Variants in P2RY8 observed in about 807,000 individuals in gnomAD.
P2RY8 encodes the protein P2Y receptor family member 8.
P2RY8 carries 6 observed loss-of-function variants against 10.0 expected under a neutral mutation model. The ratio of observed to expected loss-of-function variants is 0.60; its 90% CI spans 0.33 to 1.19. P2RY8 has a LOEUF of 1.19. Among genes scored for constraint, P2RY8 ranks in the 50% most tolerant of loss-of-function variants. P2RY8 has a pLI of 0.04. For missense variants in P2RY8, 456 were observed against 542.0 expected, an observed-to-expected ratio of 0.84 and a Z score of 1.58; for synonymous variants, 276 against 252.5, an observed-to-expected ratio of 1.09 and a Z score of -0.88.
At chrX:1,489,258 T>C (rs1458842061) in intron 1 of P2RY8, among the ~76,000 whole-genome samples, 12 of 149,894 alleles carry the variant, frequency 8.0e-5, no homozygotes, top group East Asian at 2.0e-4. Flanking sequence ...GTGGAGGGAA[T>C]GAATGACTGA....
chrX:1,471,763 C>A (rs1484875192), intron 1 of P2RY8, among the ~76,000 whole-genome samples: 2 of 152,126 alleles, frequency 1.3e-5, no homozygotes, highest in South Asian at 2.1e-4. Context: ...AGACAAAAGG[C>A]ATCTCCTCGT....
In P2RY8 at chrX:1,465,544, C is replaced by T. The variant is rs2091655611; in HGVS notation, c.1015G>A (p.Ala339Thr). 6.2e-7 allele frequency: 1 copy of T among 1,612,090 alleles called. No homozygotes were observed. Among genetic ancestry groups the T allele is most frequent in the Non-Finnish European group, 8.5e-7 (1 of 1,179,730 alleles). Residue 339 changes from alanine to threonine, a missense_variant, in exon 2 of 2, where the codon GCG becomes ACG. Physicochemically the swap from Ala to Thr is moderately conservative, Grantham distance 58 (BLOSUM62 0). Coordinates refer to ENST00000381297, the MANE Select transcript of P2RY8 (RefSeq NM_178129.5). The part of the protein sequence containing the change: ...RTTSVRSEAG[A>T]HPEGMEGATR... ...GCTCCCTCCATCCCTTCAGGGTGCG[C>T]ACCGGCCTCGGAGCGCACGGACGTG...
At chrX:1,486,565 G>C (rs1205156810) in intron 1 of P2RY8, among the ~76,000 whole-genome samples, 2 of 152,182 alleles carry the variant, frequency 1.3e-5, no homozygotes, top group Non-Finnish European at 2.9e-5. Flanking sequence ...ACTGGGGATG[G>C]GGAAACGGGG....
rs1307366915 is a variant in P2RY8, at chrX:1,509,751, GTCTATCTA to G, written c.-25+27162_-25+27169del. 6.9e-3 allele frequency among the ~76,000 whole-genome samples: 542 copies of G among 78,316 alleles called. 35 individuals are homozygous for G. Among genetic ancestry groups the G allele is most frequent in the African/African-American group, 0.025 (427 of 16,980 alleles). 51.4% of individuals were successfully genotyped at this position (78,316 alleles called of 152,430 possible). The stretch of plus-strand genomic sequence containing the variant: ...TATGTATCTATCTATGTATCTATCT[GTCTATCTA>G]TCTATCTATCTATCTATCTATCATC... On this transcript the variant is annotated intron_variant, in intron 1 of 1. Transcript: ENST00000381297.
Position 1,509,161 on chromosome X carries a change from T to TTCTATCTATCTATCTATCTA in P2RY8, c.-25+27740_-25+27759dup, listed in dbSNP as rs56651378. ...TATCTATCATCTATGTATCCATCCA[T>TTCTATCTATCTATCTATCTA]TCTATCTATCTATCTATCTATCTAT... is the stretch of plus-strand genomic sequence containing the variant. On this transcript the variant is annotated intron_variant, in intron 1 of 1. Coordinates refer to ENST00000381297, the MANE Select transcript of P2RY8 (RefSeq NM_178129.5). Among the ~76,000 whole-genome samples, 278 of 144,570 alleles carry TTCTATCTATCTATCTATCTA rather than the reference T, an allele frequency of 1.9e-3. 1 individual carries two copies. The highest frequency in any genetic ancestry group is 3.6e-3 in the Middle Eastern group (1 of 276). 94.8% of individuals were successfully genotyped at this position (144,570 alleles called of 152,430 possible). A position where few individuals can be genotyped will look rare whatever the true frequency, so the allele number is the denominator to read the frequency against.
At chrX:1,524,637 C>A (rs866765050) in intron 1 of P2RY8, among the ~76,000 whole-genome samples, 5,780 of 42,068 alleles carry the variant, frequency 0.14, 1,185 homozygotes, top group East Asian at 0.51. Flanking sequence ...ATCCATCCAT[C>A]CATCCATACA....
At position 1,484,724 on chromosome X, in the gene P2RY8, TAAAAAA is replaced by T. The variant is rs1171758279; in HGVS notation, c.-24-18148_-24-18143del. Among the ~76,000 whole-genome samples the T allele has an allele frequency of 4.2e-4, 7 of 16,792 alleles. No homozygotes were observed. The Admixed American group carries it at 4.3e-3, about 10-fold the overall frequency. The allele number at this position is 16,792 out of a possible 152,430, so 11.0% of individuals were successfully genotyped here. ...GCCTGCGTGACAGAGCAAAACCCTG[TAAAAAA>T]AAAAAAAAAAAAAAAAAAGAAGAAG... is the stretch of plus-strand genomic sequence containing the variant. On this transcript the variant is annotated intron_variant, in intron 1 of 1. Transcript: ENST00000381297.
chrX:1,535,188 T>TTTC (rs2092514876), intron 1 of P2RY8, among the ~76,000 whole-genome samples: 2 of 127,674 alleles, frequency 1.6e-5, no homozygotes, highest in African/African-American at 6.0e-5. Context: ...TAATTCCTTT[T>TTTC]TTTTTTTTTT....
chrX:1,500,798 AC>A (rs1206566431), intron 1 of P2RY8, among the ~76,000 whole-genome samples: 2 of 151,866 alleles, frequency 1.3e-5, no homozygotes, highest in Non-Finnish European at 2.9e-5. Context: ...AGCCGCCGCC[AC>A]CCCCAGCCCT....
intron 1 of P2RY8, among the ~76,000 whole-genome samples, chrX:1,492,382 G>C (rs1404062961): frequency 4.6e-5 from 7 of 152,270 alleles, no homozygotes; most frequent in African/African-American, 1.7e-4. Flanking sequence ...CCAGGAGAGA[G>C]AGGGTGTCTC....
chrX:1,500,450 T>TG (rs2092166513), intron 1 of P2RY8, among the ~76,000 whole-genome samples: 1 of 151,764 alleles, frequency 6.6e-6, no homozygotes, highest in African/African-American at 2.4e-5. Flanking sequence ...GCTAATTTTT[T>TG]TTTTTGTTTT....
chrX:1,466,109 C>T lies in P2RY8; in HGVS notation c.450G>A (p.Leu150=). The T allele has an allele frequency of 6.2e-7, 1 of 1,611,640 alleles. No homozygotes were observed. The highest frequency in any genetic ancestry group is 8.5e-7 in the Non-Finnish European group (1 of 1,179,542). The change falls in exon 2 of 2, where the codon CTG becomes CTA. Residue 150 remains leucine, a synonymous_variant. Transcript: ENST00000381297. ...AVAACAGTWL[L]LLTALSPLAR... ...CCAGCGGGGACAGGGCGGTCAGGAG[C>T]AGCAGCCAGGTCCCTGCACACGCGG...
At chrX:1,531,068 G>GTCTATCTATCTATCTATCTATCTA (rs1231360384) in intron 1 of P2RY8, among the ~76,000 whole-genome samples, 4 of 149,812 alleles carry the variant, frequency 2.7e-5, no homozygotes, top group Admixed American at 6.7e-5. Context: ...CTGTCTGTCT[G>GTCTATCTATCTATCTATCTATCTA]TCTATCTATC....
intron 1 of P2RY8, among the ~76,000 whole-genome samples, chrX:1,509,053 A>G (rs1161551597): frequency 7.0e-6 from 1 of 142,276 alleles, no homozygotes; most frequent in African/African-American, 2.7e-5. Flanking sequence ...TATTCTATCT[A>G]TGCATCTATC....
At chrX:1,481,687 C>T (rs1162220724) in intron 1 of P2RY8, among the ~76,000 whole-genome samples, 1 of 152,068 alleles carries the variant, frequency 6.6e-6, no homozygotes, top group Non-Finnish European at 1.5e-5. Flanking sequence ...CCTCAAAGTT[C>T]CCCATCTTTG....
chrX:1,504,315 CA>C (rs10657765), intron 1 of P2RY8, among the ~76,000 whole-genome samples: 75 of 147,234 alleles, frequency 5.1e-4, no homozygotes, highest in Non-Finnish European at 7.0e-4. Flanking sequence ...GACTCTGTGT[CA>C]AAAAAAAAAA....
chrX:1,467,341 G>C, intron 1 of P2RY8, among the ~76,000 whole-genome samples: 1 of 152,156 alleles, frequency 6.6e-6, no homozygotes, highest in South Asian at 2.1e-4. Context: ...GCTTCCTCAA[G>C]CTGGCTTTAA....
intron 1 of P2RY8, among the ~76,000 whole-genome samples, chrX:1,477,057 C>T (rs746014779): frequency 1.2e-4 from 18 of 152,104 alleles, no homozygotes; most frequent in African/African-American, 3.1e-4. Flanking sequence ...GGTGTGGTGG[C>T]GGGTGCCTCT....
At chrX:1,488,880 T>C (rs1276983974) in intron 1 of P2RY8, among the ~76,000 whole-genome samples, 11 of 151,860 alleles carry the variant, frequency 7.2e-5, no homozygotes, top group African/African-American at 2.4e-4. Context: ...GATTCAGTTA[T>C]GCAAATGTGG....
Sources: allele counts gnomAD v4.1 joint callset (sites outside exome capture counted in the v4.1 genomes callset), GRCh38; gene constraint gnomAD v4.1.1; transcripts MANE v1.5; gene names NCBI Gene and HGNC (gene_info 2026-07-23, HGNC 2026-07-21).